UBE3D: variants seen among roughly 807,000 people sequenced by gnomAD.
The protein encoded by UBE3D is E3 ubiquitin-protein ligase E3D.
UBE3D carries 48 observed loss-of-function variants against 49.6 expected under a neutral mutation model. The observed-to-expected ratio is 0.97, with a 90% CI of 0.77 to 1.23. UBE3D has a LOEUF of 1.23. Among genes scored for constraint, UBE3D ranks in the 50% most tolerant of loss-of-function variants. The pLI, the probability that UBE3D is intolerant of heterozygous loss-of-function variation, is 0.00. For missense variants in UBE3D, 452 were observed against 468.4 expected (o/e 0.96, Z 0.32); for synonymous variants, 189 against 174.2 (o/e 1.08, Z -0.67).
the UBE3D span, among the ~76,000 whole-genome samples, chr6:82,884,731 G>A: frequency 1.3e-5 from 2 of 152,144 alleles, no homozygotes; most frequent in East Asian, 3.9e-4. Flanking sequence ...TTTTACACTG[G>A]GGTGATCCCA....
chr6:83,037,937 G>A (rs1213886638), intron 5 of UBE3D: 3 of 151,158 alleles, frequency 2.0e-5, no homozygotes, highest in African/African-American at 7.3e-5. Context: ...ATACAGCCCC[G>A]AGCCAGATGG....
intron 9 of UBE3D, among the ~76,000 whole-genome samples, chr6:82,920,832 A>AAAAC (rs10623474): frequency 0.83 from 126,098 of 151,326 alleles, 52,860 homozygotes; most frequent in East Asian, 0.94. Flanking sequence ...CTCTTCTAGG[A>AAAAC]AAACAAACAA....
At chr6:82,891,611 A>G (rs78985355), downstream of UBE3D, among the ~76,000 whole-genome samples, 1,189 of 152,338 alleles carry the variant, frequency 7.8e-3, 16 homozygotes, top group African/African-American at 0.027. Context: ...TCTACAAGTT[A>G]CAGAATTAGG....
Position 83,019,215 on chromosome 6 carries a change from A to G in UBE3D, c.847-79T>C, listed in dbSNP as rs924732023. The G allele has an allele frequency of 8.4e-6, 11 of 1,307,112 alleles. No homozygotes were observed. In the African/African-American group the frequency reaches 1.4e-4, roughly 16 times the overall value. The allele number at this position is 1,307,112 out of a possible 1,614,324, so 81.0% of individuals were successfully genotyped here. The stretch of plus-strand genomic sequence containing the variant: ...TCTTATGACTTTTCAAAAACAAAAA[A>G]GAGACTATGAAAATACCAGAAAAAA... On this transcript the variant is annotated intron_variant, in intron 7 of 9. Coordinates refer to ENST00000369747, the MANE Select transcript of UBE3D (RefSeq NM_198920.3).
chr6:82,950,921 G>C lies in UBE3D; in HGVS notation c.1149+6391C>G, dbSNP rs543694539. 2.6e-5 allele frequency among the ~76,000 whole-genome samples: 4 copies of C among 152,040 alleles called. No homozygotes were observed. The East Asian group carries it at 7.8e-4, about 29-fold the overall frequency. On this transcript the variant is annotated intron_variant, in intron 9 of 9. Transcript: ENST00000369747. ...AAACATTAAAACAACTGAATTCATG[G>C]AGACAGAGAGTAGAAAGATGGTTAC... is the stretch of plus-strand genomic sequence containing the variant.
At chr6:82,944,770 C>T (rs1292800813) in intron 9 of UBE3D, among the ~76,000 whole-genome samples, 2 of 152,256 alleles carry the variant, frequency 1.3e-5, no homozygotes, top group South Asian at 2.1e-4. Flanking sequence ...CAGAATTCAC[C>T]ACAAGTTGAC....
chr6:83,009,563 C>T (rs1356258291), intron 8 of UBE3D, among the ~76,000 whole-genome samples: 1 of 148,768 alleles, frequency 6.7e-6, no homozygotes, highest in Admixed American at 6.9e-5. Flanking sequence ...CCAAGGAAAA[C>T]ATTAATAGAG....
At chr6:82,917,554 T>C (rs911508770) in intron 9 of UBE3D, among the ~76,000 whole-genome samples, 1 of 152,150 alleles carries the variant, frequency 6.6e-6, no homozygotes, top group African/African-American at 2.4e-5. Context: ...AGTAAGTACA[T>C]ATTTAACCAC....
intron 9 of UBE3D, among the ~76,000 whole-genome samples, chr6:82,945,151 C>A (rs762713732): frequency 2.4e-4 from 36 of 152,306 alleles, no homozygotes; most frequent in Non-Finnish European, 4.3e-4. Context: ...ACAGTGGACA[C>A]TGGGTGAGAC....
At chr6:83,017,611 T>C (rs925103989) in intron 8 of UBE3D, 3 of 152,176 alleles carry the variant, frequency 2.0e-5, no homozygotes, top group African/African-American at 7.2e-5. Context: ...AAAATCTAAA[T>C]GGAAATTTGG....
At chr6:82,942,901 C>A (rs1775118587) in intron 9 of UBE3D, among the ~76,000 whole-genome samples, 1 of 152,160 alleles carries the variant, frequency 6.6e-6, no homozygotes, top group Non-Finnish European at 1.5e-5. Flanking sequence ...AGAAGAGGGC[C>A]ACCATCAACC....
chr6:82,881,772 C>T, the UBE3D span, among the ~76,000 whole-genome samples: 9 of 152,324 alleles, frequency 5.9e-5, no homozygotes, highest in African/African-American at 1.4e-4. Context: ...CATAATATTT[C>T]TGCCTCTCTC....
intron 9 of UBE3D, chr6:82,938,742 CA>C (rs1423917687): frequency 6.6e-6 from 1 of 152,172 alleles, no homozygotes; most frequent in Non-Finnish European, 1.5e-5. Flanking sequence ...CCCTATCATA[CA>C]CACTTTTGGA....
intron 9 of UBE3D, among the ~76,000 whole-genome samples, chr6:82,908,408 A>T (rs1234921721): frequency 6.6e-6 from 1 of 152,174 alleles, no homozygotes; most frequent in Non-Finnish European, 1.5e-5. Context: ...AATAAAAAAA[A>T]ATCCATCTTA....
chr6:82,933,041 G>A (rs1214924124), intron 9 of UBE3D, among the ~76,000 whole-genome samples: 1 of 152,070 alleles, frequency 6.6e-6, no homozygotes, highest in Non-Finnish European at 1.5e-5. Flanking sequence ...TTCTCTTGTT[G>A]ATTCCTGCCA....
intron 9 of UBE3D, among the ~76,000 whole-genome samples, chr6:82,917,491 C>T (rs989296137): frequency 2.6e-5 from 4 of 152,042 alleles, no homozygotes; most frequent in African/African-American, 9.7e-5. Context: ...AGCTACATGC[C>T]GATAGGGAAG....
intron 5 of UBE3D, among the ~76,000 whole-genome samples, chr6:83,033,742 T>A (rs1034204882): frequency 1.3e-5 from 2 of 152,208 alleles, no homozygotes; most frequent in African/African-American, 4.8e-5. Flanking sequence ...CATACGCCAA[T>A]TAAACCTCTA....
chr6:82,993,018 C>T (rs768212107), intron 8 of UBE3D, among the ~76,000 whole-genome samples: 2 of 151,780 alleles, frequency 1.3e-5, no homozygotes, highest in Non-Finnish European at 2.9e-5. Flanking sequence ...TACCACCTAA[C>T]ACAGTATCAG....
intron 8 of UBE3D, among the ~76,000 whole-genome samples, chr6:83,014,302 A>G (rs539975323): frequency 4.9e-4 from 75 of 152,344 alleles, no homozygotes; most frequent in African/African-American, 1.8e-3. Flanking sequence ...CAGTCCCTCC[A>G]GGGATGCAAT....
Sources: gnomAD v4.1 joint callset for allele counts (sites outside exome capture counted in the v4.1 genomes callset) on GRCh38, gnomAD v4.1.1 for gene constraint, MANE v1.5 for transcripts, NCBI Gene and HGNC (gene_info 2026-07-23, HGNC 2026-07-21) for gene names.